MTSS1: variants seen among roughly 807,000 people sequenced by gnomAD.
MTSS1 encodes protein MTSS 1.
A neutral mutation model predicts 79.0 loss-of-function variants in MTSS1; 18 were observed. The ratio of observed to expected loss-of-function variants is 0.23; its 90% CI spans 0.16 to 0.34. MTSS1 has a LOEUF of 0.34. Among genes scored for constraint, MTSS1 ranks in the 10% least tolerant of loss-of-function variants. The probability of loss-of-function intolerance (pLI) is 1.00; values close to 1 mark genes in which losing one functional copy is unlikely to be tolerated. For synonymous variants in MTSS1, 341 were observed against 368.6 expected, an observed-to-expected ratio of 0.93 and a Z score of 0.86; for missense variants, 815 against 986.2, an observed-to-expected ratio of 0.83 and a Z score of 2.33.
intron 3 of MTSS1, among the ~76,000 whole-genome samples, chr8:124,651,504 T>A (rs546846405): frequency 1.3e-5 from 2 of 152,102 alleles, no homozygotes; most frequent in African/African-American, 4.8e-5. Flanking sequence ...TAGAAACATG[T>A]TACATTCAGA....
intron 3 of MTSS1, among the ~76,000 whole-genome samples, chr8:124,662,150 G>C (rs1484429124): frequency 6.6e-6 from 1 of 152,076 alleles, no homozygotes; most frequent in Non-Finnish European, 1.5e-5. Flanking sequence ...GCCCCTGCTT[G>C]GTGAGCTATG....
intron 3 of MTSS1, among the ~76,000 whole-genome samples, chr8:124,697,078 T>A (rs1342170182): frequency 3.9e-5 from 6 of 152,084 alleles, no homozygotes; most frequent in Admixed American, 3.9e-4. Context: ...GGGAGCAGCA[T>A]CTTCAGAATC....
Position 124,683,354 on chromosome 8 carries a change from A to G in MTSS1, c.208+16172T>C, listed in dbSNP as rs957601675. Among the ~76,000 whole-genome samples, 2 of 152,236 alleles carry G rather than the reference A, an allele frequency of 1.3e-5. No homozygotes were observed. The highest frequency in any genetic ancestry group is 4.8e-5 in the African/African-American group (2 of 41,458). ...AAAGTCTTACAATAGCCTGCAGTAC[A>G]CTATCAAATACTAGCTTTATGTATA... On this transcript the variant is annotated intron_variant, in intron 3 of 13. Coordinates refer to ENST00000518547, the MANE Select transcript of MTSS1 (RefSeq NM_014751.6). This position sits in a 1 kb window ranked among gnomAD's most constrained non-coding sequence, Gnocchi z 4.5.
At chr8:124,703,830 T>C (rs892719022) in intron 2 of MTSS1, among the ~76,000 whole-genome samples, 1 of 152,206 alleles carries the variant, frequency 6.6e-6, no homozygotes, top group Non-Finnish European at 1.5e-5. Context: ...GCCTGGCACA[T>C]AGTGAGCAAT....
chr8:124,553,351 G>A lies in MTSS1; in HGVS notation c.1909C>T (p.Pro637Ser). Residue 637 changes from proline (P) to serine (S), a missense_variant, in exon 14 of 14, where the codon CCA becomes TCA. By Grantham distance (74) the Pro-to-Ser change is moderately conservative. Coordinates refer to ENST00000518547, the MANE Select transcript of MTSS1 (RefSeq NM_014751.6). The surrounding 1 kb of genome is among the most constrained non-coding windows in gnomAD (Gnocchi z 6.0). ...GGGCTGTGCTCCCCCCGCTCTTCTG[G>A]CCCATCTGGAGGGGCTGGCAACACC... is the stretch of plus-strand genomic sequence containing the variant. ...PGVLPAPPDGPEERGEHSPES... is the reference protein window; with the variant it reads ...PGVLPAPPDGSEERGEHSPES... The A allele has an allele frequency of 6.2e-7, 1 of 1,612,948 alleles. No individual in the cohort carries two copies. Among genetic ancestry groups the A allele is most frequent in the African/African-American group, 1.3e-5 (1 of 75,020 alleles).
intron 3 of MTSS1, among the ~76,000 whole-genome samples, chr8:124,613,876 G>T (rs1162866677): frequency 6.6e-6 from 1 of 152,192 alleles, no homozygotes; most frequent in Non-Finnish European, 1.5e-5. Flanking sequence ...AGGTTTAAAA[G>T]TTAGGGATAT....
At chr8:124,717,477 G>C (rs1228056315) in intron 1 of MTSS1, among the ~76,000 whole-genome samples, 2 of 150,972 alleles carry the variant, frequency 1.3e-5, no homozygotes, top group East Asian at 3.9e-4. Flanking sequence ...CGGCCTGGGG[G>C]ACAGATACTC....
At chr8:124,672,071 A>T (rs1484715595) in intron 3 of MTSS1, among the ~76,000 whole-genome samples, 1 of 152,266 alleles carries the variant, frequency 6.6e-6, no homozygotes, top group Non-Finnish European at 1.5e-5. Flanking sequence ...ATGCAGCTTC[A>T]TAATTTCTGA....
intron 1 of MTSS1, among the ~76,000 whole-genome samples, chr8:124,721,080 T>C (rs1587993621): frequency 1.3e-5 from 2 of 152,182 alleles, no homozygotes; most frequent in African/African-American, 4.8e-5. Context: ...GATAGAAAGC[T>C]GTGTTGCAAC....
Position 124,553,076 on chromosome 8 carries a change from TC to T in MTSS1, c.2183del (p.Gly728GlufsTer5). 6.2e-7 allele frequency: 1 copy of T among 1,614,090 alleles called. No homozygotes were observed. Among genetic ancestry groups the T allele is most frequent in the South Asian group, 1.1e-5 (1 of 91,084 alleles). On this transcript the variant is annotated frameshift_variant, in exon 14 of 14. Coordinates refer to ENST00000518547, the MANE Select transcript of MTSS1 (RefSeq NM_014751.6). LOFTEE classifies it high-confidence loss of function. The surrounding 1 kb of genome is among the most constrained non-coding windows in gnomAD (Gnocchi z 6.0). ...ADLSPRDTPQGEDMLNAIRRG... is the reference protein window; with the variant it reads ...ADLSPRDTPQXEDMLNAIRRG... Reference sequence around the variant, plus strand: ...TTCGGATGGCGTTCAGCATGTCTTCTCCTTGTGGAGTATCCCTTGGGCTCAG... The same window carrying T: ...TTCGGATGGCGTTCAGCATGTCTTCTCTTGTGGAGTATCCCTTGGGCTCAG...
In MTSS1 at chr8:124,557,835, G is replaced by A; in HGVS notation, c.1076C>T (p.Ser359Phe). ...GCCTGCACCCGTGGGCCCCACGTGG[G>A]ACTCACTTGATAAACTATAGTGAGA... ...GFSHYSLSSESHVGPTGAGLF... is the reference protein window; with the variant it reads ...GFSHYSLSSEFHVGPTGAGLF... Residue 359 changes from serine (S) to phenylalanine (F), a missense_variant, in exon 11 of 14, where the codon TCC becomes TTC. Transcript: ENST00000518547. 6.3e-7 allele frequency: 1 copy of A among 1,584,116 alleles called. No homozygotes were observed. Among genetic ancestry groups the A allele is most frequent in the Non-Finnish European group, 8.6e-7 (1 of 1,164,182 alleles).
At chr8:124,603,742 C>T (rs1433269950) in intron 3 of MTSS1, among the ~76,000 whole-genome samples, 3 of 152,198 alleles carry the variant, frequency 2.0e-5, no homozygotes, top group Non-Finnish European at 4.4e-5. Context: ...CAAATATCCC[C>T]TCTCCAATCA....
At chr8:124,688,919 T>C (rs1455092442) in intron 3 of MTSS1, among the ~76,000 whole-genome samples, 2 of 150,886 alleles carry the variant, frequency 1.3e-5, no homozygotes, top group South Asian at 2.1e-4. Flanking sequence ...TTGCACTAGA[T>C]ACTAGGTGAG....
At chr8:124,712,088 G>A (rs1831253094) in intron 1 of MTSS1, among the ~76,000 whole-genome samples, 1 of 151,870 alleles carries the variant, frequency 6.6e-6, no homozygotes, top group Non-Finnish European at 1.5e-5. Context: ...TGCACCAAGA[G>A]GTTCATAGCT....
At chr8:124,607,828 C>T (rs891715990) in intron 3 of MTSS1, among the ~76,000 whole-genome samples, 37 of 151,962 alleles carry the variant, frequency 2.4e-4, no homozygotes, top group African/African-American at 5.8e-4. Flanking sequence ...ATATAAAGCC[C>T]GATAAAAATG....
Position 124,567,875 on chromosome 8 carries a change from C to T in MTSS1, c.618+504G>A, listed in dbSNP as rs139420337. 2.3e-4 allele frequency: 327 copies of T among 1,449,814 alleles called. No homozygotes were observed. In the African/African-American group the frequency reaches 4.1e-3, roughly 18 times the overall value. The allele number at this position is 1,449,814 out of a possible 1,614,324, so 89.8% of individuals were successfully genotyped here. On this transcript the variant is annotated intron_variant, in intron 7 of 13. Transcript: ENST00000518547. ...CGCCTGCAGTGCAAGTTCTCAATTA[C>T]GGCATGCAAATGATTTCCTTAAAAA...
At chr8:124,684,086 T>C (rs542316852) in intron 3 of MTSS1, among the ~76,000 whole-genome samples, 1 of 152,142 alleles carries the variant, frequency 6.6e-6, no homozygotes, top group Non-Finnish European at 1.5e-5. Flanking sequence ...AGCCACAGGA[T>C]AGCAAAAACC....
intron 3 of MTSS1, among the ~76,000 whole-genome samples, chr8:124,679,390 C>A (rs2134915902): frequency 6.6e-6 from 1 of 152,334 alleles, no homozygotes; most frequent in East Asian, 1.9e-4. Flanking sequence ...TATACTTAGA[C>A]TCAACTTGGA....
rs1020503180 is a variant in MTSS1 at position 124,582,829 on chromosome 8, A to G, written c.460+2258T>C. 3.3e-5 allele frequency among the ~76,000 whole-genome samples: 5 copies of G among 152,204 alleles called. No homozygotes were observed. Among genetic ancestry groups the G allele is most frequent in the African/African-American group, 1.2e-4 (5 of 41,446 alleles). ...AGCCTCAAATGACCAGATTTCTTCC[A>G]GCCCTTAAGTGAGTTGTGTTTTCTT... On this transcript the variant is annotated intron_variant, in intron 6 of 13. Transcript: ENST00000518547. The surrounding 1 kb of genome is among the most constrained non-coding windows in gnomAD (Gnocchi z 4.8).
Sources: allele counts gnomAD v4.1 joint callset (sites outside exome capture counted in the v4.1 genomes callset), GRCh38; gene constraint gnomAD v4.1.1; non-coding constraint Gnocchi (gnomAD v3.1); transcripts MANE v1.5; gene names NCBI Gene and HGNC (gene_info 2026-07-23, HGNC 2026-07-21).